GANAB: variants seen among roughly 807,000 people sequenced by gnomAD.
GANAB encodes neutral alpha-glucosidase AB.
Under a neutral mutation model 129.9 loss-of-function variants are expected in GANAB, and 35 were observed. The ratio of observed to expected loss-of-function variants is 0.27; its 90% confidence interval spans 0.21 to 0.36. The LOEUF (loss-of-function observed/expected upper bound fraction) is 0.36. GANAB is among the 10% of genes least tolerant of loss of function. The pLI is 1.00. For missense variants in GANAB, 939 were observed against 1,221.0 expected, an observed-to-expected ratio of 0.77 and a Z score of 3.44; for synonymous variants, 482 against 451.8, an observed-to-expected ratio of 1.07 and a Z score of -0.85.
chr11:62,639,909 C>G (rs1006364441), intron 1 of GANAB, 178 bp from the exon 2 acceptor site: 7 of 587,896 alleles, frequency 1.2e-5, no homozygotes, highest in Middle Eastern at 4.5e-4. Flanking sequence ...AGGATCAGGC[C>G]TGAGAAGTTG....
intron 1 of GANAB, among the ~76,000 whole-genome samples, chr11:62,643,710 G>A (rs1009460004): frequency 1.3e-5 from 2 of 152,168 alleles, no homozygotes; most frequent in Non-Finnish European, 2.9e-5. Flanking sequence ...CAGCTACTGG[G>A]GAGGCTGAGG....
At chr11:62,635,875 T>G (rs1380495056) in intron 4 of GANAB, among the ~76,000 whole-genome samples, 1 of 150,246 alleles carries the variant, frequency 6.7e-6, no homozygotes, top group African/African-American at 2.4e-5. Context: ...AGTGATCCAC[T>G]TGCCTCGGCC....
chr11:62,631,746 C>T (rs2134486223), intron 9 of GANAB, among the ~76,000 whole-genome samples: 1 of 152,152 alleles, frequency 6.6e-6, no homozygotes, highest in East Asian at 1.9e-4. Flanking sequence ...GAGGTGGGAG[C>T]CACTGCACCC....
rs1317773249 is a variant in GANAB, at chr11:62,626,910, G to C, written c.2347C>G (p.Gln783Glu). 2 of 1,612,540 alleles carry C rather than the reference G, an allele frequency of 1.2e-6. No individual in the cohort carries two copies. The highest frequency in any genetic ancestry group is 2.2e-5 in the South Asian group (2 of 91,042). The change falls in exon 20 of 24, where the codon CAG becomes GAG. Residue 783 changes from glutamine to glutamate, a missense_variant. Physicochemically the swap from Gln to Glu is conservative, Grantham distance 29. Around this residue, in one of 5 missense-constraint regions of GANAB, gnomAD observed 230 missense variants for 259.9 expected, o/e 0.89. Coordinates refer to ENST00000356638, the MANE Select transcript of GANAB (RefSeq NM_198334.3). ...AGGGTCTGGGGACCATGATGCTTCT[G>C]GTAGCTTTGAATGTCATACCACACC... Reference protein sequence around the residue: ...GEVWYDIQSYQKHHGPQTLYL... With the variant: ...GEVWYDIQSYEKHHGPQTLYL...
At chr11:62,633,675 A>G (rs1590808120) in intron 5 of GANAB, 161 bp from the exon 6 acceptor site, 2 of 642,398 alleles carry the variant, frequency 3.1e-6, no homozygotes, top group Non-Finnish European at 5.5e-6. Context: ...CACAATGAGC[A>G]GATAAGTTTG....
chr11:62,629,554 C>A, intron 15 of GANAB, 34 bp downstream of exon 15: 1 of 1,428,012 alleles, frequency 7.0e-7, no homozygotes, highest in African/African-American at 1.4e-5. Flanking sequence ...GGCCTTCACA[C>A]CCTTCTGCCA....
At chr11:62,633,301 A>G (rs767146078) in intron 6 of GANAB, 30 bp from the exon 7 acceptor site, 1 of 1,577,944 alleles carries the variant, frequency 6.3e-7, no homozygotes. Flanking sequence ...ACCACTCTCC[A>G]ATCATACCAG....
chr11:62,641,529 C>A (rs112870187), intron 1 of GANAB, among the ~76,000 whole-genome samples: 34 of 152,084 alleles, frequency 2.2e-4, no homozygotes, highest in African/African-American at 8.2e-4. Flanking sequence ...CCCTAATGCA[C>A]CCCTAGGGGC....
chr11:62,646,533 G>A (rs1944492809), intron 1 of GANAB, 29 bp downstream of exon 1: 1 of 1,612,320 alleles, frequency 6.2e-7, no homozygotes, highest in Non-Finnish European at 8.5e-7. Flanking sequence ...GGGCGTCCCG[G>A]GCGCGCCCCC....
At chr11:62,638,487 A>G (rs1014278555) in intron 4 of GANAB, among the ~76,000 whole-genome samples, 6 of 152,048 alleles carry the variant, frequency 3.9e-5, no homozygotes, top group Non-Finnish European at 8.8e-5. Context: ...ATTTAAGAGA[A>G]AGTCATGGAT....
rs1248402376 is a variant in GANAB, at chr11:62,632,658, C to T, written c.903G>A (p.Val301=). ...CGCGATGAGGGTTGTGTGCCAGGAG[C>T]ACAGGCACAGACCCATACAAGGCCA... ...NPMALYGSVP[V]LLAHNPHRDL... Residue 301 remains valine (V), a synonymous_variant, in exon 9 of 24, where the codon GTG becomes GTA. Transcript: ENST00000356638. 1.2e-6 allele frequency: 2 copies of T among 1,612,630 alleles called. No homozygotes were observed. The highest frequency in any genetic ancestry group is 3.3e-5 in the Admixed American group (2 of 60,000).
rs373378493 is a variant in GANAB at position 62,644,090 on chromosome 11, G to A, written c.38+2472C>T. Among the ~76,000 whole-genome samples the A allele has an allele frequency of 2.6e-4, 40 of 152,186 alleles. No homozygotes were observed. The South Asian group carries it at 3.7e-3, about 14-fold the overall frequency. Reference sequence around the variant, plus strand: ...CTCCCAAGTAGCTGGGATTACAGGCGCGTGCCACCACACTCGGCTAATTTT... The same window carrying A: ...CTCCCAAGTAGCTGGGATTACAGGCACGTGCCACCACACTCGGCTAATTTT... On this transcript the variant is annotated intron_variant, in intron 1 of 23. Coordinates refer to ENST00000356638, the MANE Select transcript of GANAB (RefSeq NM_198334.3).
intron 17 of GANAB, among the ~76,000 whole-genome samples, chr11:62,628,461 C>T (rs1369671242): frequency 6.6e-6 from 1 of 152,058 alleles, no homozygotes; most frequent in Non-Finnish European, 1.5e-5. Context: ...GATCTGCCCA[C>T]CTCGGCCTCC....
In GANAB at chr11:62,634,301, T is replaced by C. The variant is rs756485467; in HGVS notation, c.560+520A>G. The C allele has an allele frequency of 1.9e-6, 3 of 1,577,934 alleles. No individual in the cohort carries two copies. Among genetic ancestry groups the C allele is most frequent in the East Asian group, 2.2e-5 (1 of 44,720 alleles). On this transcript the variant is annotated intron_variant, in intron 5 of 23. Transcript: ENST00000356638. The stretch of plus-strand genomic sequence containing the variant: ...GGAACAGATACAGTACCGGTGGCCA[T>C]GGATTTACCTAGAGAAAAGGTTCTT...
intron 10 of GANAB, 66 bp from the exon 11 acceptor site, chr11:62,630,902 G>A: frequency 6.7e-7 from 1 of 1,501,106 alleles, no homozygotes; most frequent in Non-Finnish European, 9.2e-7. Flanking sequence ...ACTGAGGGAG[G>A]CTTGTGAACT....
At position 62,626,937 on chromosome 11, in the gene GANAB, G is replaced by T. The variant is rs747373080; in HGVS notation, c.2323-3C>A. 6.2e-7 allele frequency: 1 copy of T among 1,607,304 alleles called. No individual in the cohort carries two copies. The highest frequency in any genetic ancestry group is 2.2e-5 in the East Asian group (1 of 44,838). ...TAGCTTTGAATGTCATACCACACCT[G>T]TGAGTGACAAAAGAGGTAAGATACC... is the stretch of plus-strand genomic sequence containing the variant. On this transcript the variant is annotated splice_polypyrimidine_tract_variant and splice_region_variant and intron_variant, in intron 19 of 23. Coordinates refer to ENST00000356638, the MANE Select transcript of GANAB (RefSeq NM_198334.3).
chr11:62,628,727 G>C (rs769649804), intron 17 of GANAB, 42 bp downstream of exon 17: 5 of 1,600,150 alleles, frequency 3.1e-6, no homozygotes, highest in Non-Finnish European at 3.4e-6. Context: ...AATACCCCCA[G>C]CCACCTCAGC....
At chr11:62,634,332 TATCC>T in intron 5 of GANAB, 1 of 1,610,640 alleles carries the variant, frequency 6.2e-7, no homozygotes, top group Non-Finnish European at 8.5e-7. Context: ...TTCTTGATCT[TATCC>T]CATATGCTAC....
Position 62,632,654 on chromosome 11 carries a change from G to C in GANAB, c.907C>G (p.Leu303Val), listed in dbSNP as rs758073608. The C allele has an allele frequency of 6.2e-7, 1 of 1,613,716 alleles. No individual in the cohort carries two copies. The highest frequency in any genetic ancestry group is 1.1e-5 in the South Asian group (1 of 91,070). ...AAGTCGCGATGAGGGTTGTGTGCCA[G>C]GAGCACAGGCACAGACCCATACAAG... ...MALYGSVPVL[L>V]AHNPHRDLGI... Residue 303 changes from leucine to valine, a missense_variant, in exon 9 of 24, where the codon CTG becomes GTG. By Grantham distance (32) the Leu-to-Val change is conservative (BLOSUM62 1). Transcript: ENST00000356638.
Sources: allele counts gnomAD v4.1 joint callset (sites outside exome capture counted in the v4.1 genomes callset), GRCh38; gene constraint gnomAD v4.1.1; regional missense constraint gnomAD v4.1.1; transcripts MANE v1.5; gene names NCBI Gene and HGNC (gene_info 2026-07-23, HGNC 2026-07-21).